The following SMCHD1 variants were observed in gnomAD, a reference collection of about 807,000 sequenced individuals.
SMCHD1 encodes structural maintenance of chromosomes flexible hinge domain-containing protein 1.
A neutral mutation model predicts 254.7 loss-of-function variants in SMCHD1; 78 were observed. The observed-to-expected ratio is 0.31, with a 90% CI of 0.26 to 0.37. SMCHD1 has a LOEUF of 0.37. SMCHD1 is among the 10% of genes least tolerant of loss of function. SMCHD1 has a pLI of 1.00. For synonymous variants in SMCHD1, 766 were observed against 794.9 expected, an observed-to-expected ratio of 0.96 and a Z score of 0.61; for missense variants, 1,840 against 2,408.1, an observed-to-expected ratio of 0.76 and a Z score of 4.94.
chr18:2,695,764 ATTG>A (rs2074273592), intron 8 of SMCHD1, among the ~76,000 whole-genome samples: 1 of 151,806 alleles, frequency 6.6e-6, no homozygotes. Flanking sequence ...CCAAAAGGCT[ATTG>A]TTCTTGAGAG....
At chr18:2,784,661 ATTTTACTCTTAT>A in intron 45 of SMCHD1, 40 bp downstream of exon 45, 1 of 1,499,188 alleles carries the variant, frequency 6.7e-7, no homozygotes, top group Non-Finnish European at 8.9e-7. Flanking sequence ...TTCTAATTTA[ATTTTACTCTTAT>A]TTTTCTAAGA....
rs1272616272 is a variant in SMCHD1 at position 2,729,346 on chromosome 18, A to G, written c.2985A>G (p.Gly995=). The G allele has an allele frequency of 6.4e-7, 1 of 1,559,668 alleles. No homozygotes were observed. The highest frequency in any genetic ancestry group is 2.0e-5 in the Admixed American group (1 of 50,682). The part of the protein sequence containing the change: ...CSSSGTSILT[G]SAIQVQNIKK... ...GTTCTGGAACCAGTATTTTAACAGG[A>G]TCTGCAATTCAAGTTCAGAATATTA... The change falls in exon 24 of 48, where the codon GGA becomes GGG. Residue 995 remains glycine, a synonymous_variant. Transcript: ENST00000320876.
chr18:2,740,785 T>C lies in SMCHD1; in HGVS notation c.3597T>C (p.Val1199=). The change falls in exon 28 of 48, where the codon GTT becomes GTC. Residue 1199 remains valine, a synonymous_variant. Transcript: ENST00000320876. The part of the protein sequence containing the change: ...SSLSSLSIAG[V]GLDSSNLKTT... ...TATCTTCTTTGTCAATTGCTGGGGT[T>C]GGACTTGATAGCTCAAATTTGAAAA... is the stretch of plus-strand genomic sequence containing the variant. 1.9e-6 allele frequency: 3 copies of C among 1,610,472 alleles called. No homozygotes were observed. Among genetic ancestry groups the C allele is most frequent in the Non-Finnish European group, 2.5e-6 (3 of 1,177,934 alleles).
intron 45 of SMCHD1, among the ~76,000 whole-genome samples, chr18:2,792,698 C>G (rs2143846597): frequency 6.6e-6 from 1 of 152,272 alleles, no homozygotes; most frequent in South Asian, 2.1e-4. Flanking sequence ...TACTTTATTG[C>G]TTTCATACTT....
At position 2,796,528 on chromosome 18, in the gene SMCHD1, T is replaced by C; in HGVS notation, c.5993+7T>C. ...AAGCTACAAGACAAAATAGGTGAGTTTGTTTGACCTGAGAATTATGCTTGG... is the reference window on the plus strand; with the variant it reads ...AAGCTACAAGACAAAATAGGTGAGTCTGTTTGACCTGAGAATTATGCTTGG... On this transcript the variant is annotated splice_region_variant and intron_variant, in intron 47 of 47. Transcript: ENST00000320876. The C allele has an allele frequency of 6.5e-7, 1 of 1,537,452 alleles. No individual in the cohort carries two copies. The highest frequency in any genetic ancestry group is 8.9e-7 in the Non-Finnish European group (1 of 1,123,414).
rs57180698 is a variant in SMCHD1, at chr18:2,785,670, A to AAAAAAAAAAAAAAAAAAAAAAAAAAG, written c.5719+1050_5719+1051insAAAAAAAAAAAAAAAAAAAAAAAAGA. On this transcript the variant is annotated intron_variant, in intron 45 of 47. Coordinates refer to ENST00000320876, the MANE Select transcript of SMCHD1 (RefSeq NM_015295.3). ...CTCAAAAAAAAAAAAAAAAAAAAAA[A>AAAAAAAAAAAAAAAAAAAAAAAAAAG]ACAGTTCATTGGTGTTAAGTGCATT... Among the ~76,000 whole-genome samples the AAAAAAAAAAAAAAAAAAAAAAAAAAG allele has an allele frequency of 8.2e-5, 8 of 97,932 alleles. 4 individuals carry two copies. Among genetic ancestry groups the AAAAAAAAAAAAAAAAAAAAAAAAAAG allele is most frequent in the Non-Finnish European group, 3.8e-5 (2 of 53,236 alleles). The allele number at this position is 97,932 out of a possible 152,430, so 64.2% of individuals were successfully genotyped here.
intron 37 of SMCHD1, 61 bp from the exon 38 acceptor site, chr18:2,769,633 T>G: frequency 6.6e-7 from 1 of 1,513,672 alleles, no homozygotes; most frequent in Non-Finnish European, 9.0e-7. Context: ...ATGTAACATT[T>G]ATATGTTGTA....
At chr18:2,686,436 G>A (rs2074054008) in intron 5 of SMCHD1, among the ~76,000 whole-genome samples, 1 of 152,180 alleles carries the variant, frequency 6.6e-6, no homozygotes, top group South Asian at 2.1e-4. Context: ...AAACCTGTAT[G>A]TTAAATATGT....
chr18:2,729,692 A>G lies in SMCHD1; in HGVS notation c.3048+283A>G, dbSNP rs146213697. ...AAATATTTTTCTTCTATTAAAATAC[A>G]TAATTTTATTCTTTCGCTTTTTTTT... On this transcript the variant is annotated intron_variant, in intron 24 of 47. Transcript: ENST00000320876. 4.6e-3 allele frequency among the ~76,000 whole-genome samples: 684 copies of G among 150,182 alleles called. 7 individuals carry two copies. Among genetic ancestry groups the G allele is most frequent in the African/African-American group, 0.015 (627 of 41,110 alleles).
chr18:2,708,915 T>TATATATATAC (rs1568199419), intron 17 of SMCHD1, among the ~76,000 whole-genome samples: 6 of 90,452 alleles, frequency 6.6e-5, no homozygotes, highest in Non-Finnish European at 1.1e-4. Flanking sequence ...TATAACATAT[T>TATATATATAC]AACATGAAAT....
At chr18:2,702,610 G>A (rs771834600) in intron 12 of SMCHD1, among the ~76,000 whole-genome samples, 4 of 152,110 alleles carry the variant, frequency 2.6e-5, no homozygotes, top group Non-Finnish European at 5.9e-5. Flanking sequence ...GAAAGAGTTG[G>A]TACCTAGTTA....
At chr18:2,742,932 G>A (rs901525780) in intron 28 of SMCHD1, among the ~76,000 whole-genome samples, 7 of 152,084 alleles carry the variant, frequency 4.6e-5, no homozygotes, top group Non-Finnish European at 8.8e-5. Context: ...CCTTGGCCTC[G>A]TAAAGTGCTG....
In SMCHD1 at chr18:2,804,878, G is replaced by GTGTT. The variant is rs1244920253; in HGVS notation, c.*2327_*2330dup. On this transcript the variant is annotated 3_prime_UTR_variant, in exon 48 of 48. Transcript: ENST00000320876. ...GCTACAGCCATTTATCCTGTGTTAT[G>GTGTT]TGTTATATAATCTGAAATTTGTCAC... 6.6e-6 allele frequency: 1 copy of GTGTT among 152,132 alleles called. No individual in the cohort carries two copies. Among genetic ancestry groups the GTGTT allele is most frequent in the Non-Finnish European group, 1.5e-5 (1 of 68,004 alleles). 9.4% of individuals were successfully genotyped at this position (152,132 alleles called of 1,614,324 possible). A position where few individuals can be genotyped will look rare whatever the true frequency, so the allele number is the denominator to read the frequency against.
intron 44 of SMCHD1, among the ~76,000 whole-genome samples, chr18:2,780,749 T>C (rs2076145358): frequency 6.6e-6 from 1 of 152,230 alleles, no homozygotes; most frequent in Non-Finnish European, 1.5e-5. Flanking sequence ...TTTCCAGCAG[T>C]CTGTATGAAG....
chr18:2,706,539 G>C (rs1027320363), intron 15 of SMCHD1, 69 bp downstream of exon 15: 1 of 1,082,400 alleles, frequency 9.2e-7, no homozygotes, highest in African/African-American at 1.6e-5. Flanking sequence ...TAAGTATTCT[G>C]AGTATGTCAT....
At chr18:2,776,215 A>AT (rs1277415520) in intron 42 of SMCHD1, among the ~76,000 whole-genome samples, 2 of 151,632 alleles carry the variant, frequency 1.3e-5, no homozygotes, top group African/African-American at 4.8e-5. Context: ...AAGACATAAT[A>AT]TTTTTTTTTA....
At chr18:2,752,779 C>CGAA in intron 34 of SMCHD1, 1 of 408,684 alleles carries the variant, frequency 2.4e-6, no homozygotes. Context: ...TTGAAACTAT[C>CGAA]GAAGCCATCA....
intron 17 of SMCHD1, among the ~76,000 whole-genome samples, chr18:2,715,251 G>A: frequency 6.6e-6 from 1 of 151,816 alleles, no homozygotes; most frequent in South Asian, 2.1e-4. Context: ...TGTTGGTTTG[G>A]CTGTTTTACA....
rs936086052 is a variant in SMCHD1, at chr18:2,706,450, T to C, written c.2043T>C (p.Tyr681=). Reference sequence around the variant, plus strand: ...TTGCTGAGAAAGCTGTTAAAAAATATGTAGAAGATGAAATGGCAAGGTAAG... The same window carrying C: ...TTGCTGAGAAAGCTGTTAAAAAATACGTAGAAGATGAAATGGCAAGGTAAG... The part of the protein sequence containing the change: ...RTVAEKAVKK[Y]VEDEMARLPD... The change falls in exon 15 of 48, where the codon TAT becomes TAC. Residue 681 remains tyrosine (Y), a synonymous_variant. Transcript: ENST00000320876. 4.4e-6 allele frequency: 7 copies of C among 1,586,396 alleles called. No individual in the cohort carries two copies. The highest frequency in any genetic ancestry group is 6.0e-6 in the Non-Finnish European group (7 of 1,165,664).
Sources: allele counts gnomAD v4.1 joint callset (sites outside exome capture counted in the v4.1 genomes callset), GRCh38; gene constraint gnomAD v4.1.1; transcripts MANE v1.5; gene names NCBI Gene and HGNC (gene_info 2026-07-23, HGNC 2026-07-21).